JADE1: variants seen among roughly 807,000 people sequenced by gnomAD.
The protein encoded by JADE1 is protein Jade-1.
A neutral mutation model predicts 81.8 loss-of-function variants in JADE1; 14 were observed. The ratio of observed to expected loss-of-function variants is 0.17; its 90% CI spans 0.11 to 0.27. JADE1 has a LOEUF of 0.27. Among genes scored for constraint, JADE1 ranks in the 10% least tolerant of loss-of-function variants. The probability of loss-of-function intolerance (pLI) is 1.00; values close to 1 mark genes in which losing one functional copy is unlikely to be tolerated. For synonymous variants in JADE1, 353 were observed against 391.9 expected, an observed-to-expected ratio of 0.90 and a Z score of 1.17; for missense variants, 690 against 1,047.9, an observed-to-expected ratio of 0.66 and a Z score of 4.71.
Position 128,862,098 on chromosome 4 carries a change from A to G in JADE1, c.1376A>G (p.Lys459Arg), listed in dbSNP as rs1331958162. The G allele has an allele frequency of 6.2e-7, 1 of 1,614,072 alleles. No homozygotes were observed. Among genetic ancestry groups the G allele is most frequent in the Non-Finnish European group, 8.5e-7 (1 of 1,180,026 alleles). The change falls in exon 9 of 11, where the codon AAG becomes AGG. Residue 459 changes from lysine (K) to arginine (R), a missense_variant. By Grantham distance (26) the Lys-to-Arg change is conservative. Around this residue, in one of 8 missense-constraint regions of JADE1, gnomAD observed 63 missense variants for 138.4 expected, o/e 0.46. Transcript: ENST00000226319. Reference protein sequence around the residue: ...FLYQYWKLKRKVNFNKPLITP... With the variant: ...FLYQYWKLKRRVNFNKPLITP... The stretch of plus-strand genomic sequence containing the variant: ...TACCAGTACTGGAAGTTGAAGAGGA[A>G]GGTCAACTTCAACAAGCCCCTGATC...
chr4:128,848,787 T>C (rs1730091605), intron 4 of JADE1, among the ~76,000 whole-genome samples, 193 bp from the exon 5 acceptor site: 1 of 152,242 alleles, frequency 6.6e-6, no homozygotes, highest in Non-Finnish European at 1.5e-5. Context: ...TTTTCATTTG[T>C]ATCTATTGCC....
intron 1 of JADE1, 78 bp from the exon 2 acceptor site, chr4:128,831,655 C>G: frequency 8.0e-7 from 1 of 1,248,922 alleles, no homozygotes; most frequent in South Asian, 1.3e-5. Context: ...TGCTGTAAAT[C>G]CTGGGCTGCC....
chr4:128,844,605 G>C (rs945960064), intron 3 of JADE1, among the ~76,000 whole-genome samples: 3 of 152,090 alleles, frequency 2.0e-5, no homozygotes, highest in Non-Finnish European at 4.4e-5. Context: ...GCTCTTGAAG[G>C]TATAGGCCCA....
At chr4:128,815,162 T>TAAGCTCCGCCTCCCTGA (rs1726904488) in intron 1 of JADE1, among the ~76,000 whole-genome samples, 1 of 147,414 alleles carries the variant, frequency 6.8e-6, no homozygotes, top group Non-Finnish European at 1.5e-5. Context: ...CGCCTCCCTG[T>TAAGCTCCGCCTCCCTGA]AAGCTCCGCC....
chr4:128,837,637 C>G (rs1182975887), intron 2 of JADE1, among the ~76,000 whole-genome samples: 1 of 152,166 alleles, frequency 6.6e-6, no homozygotes, highest in Non-Finnish European at 1.5e-5. Flanking sequence ...TTGCTTTAGT[C>G]TAGTACAAGG....
rs567397790 is a variant in JADE1, at chr4:128,846,904, C to G, written c.296+372C>G. 7.9e-5 allele frequency among the ~76,000 whole-genome samples: 12 copies of G among 152,276 alleles called. No homozygotes were observed. The South Asian group carries it at 2.1e-3, about 26-fold the overall frequency. ...TCCGTATTCGCTCTGGAGAGTGGCT[C>G]TCCTGGAGAGAAGCATCTGGCTTTG... On this transcript the variant is annotated intron_variant, in intron 4 of 10. Coordinates refer to ENST00000226319, the MANE Select transcript of JADE1 (RefSeq NM_199320.4). The surrounding 1 kb of genome is among the most constrained non-coding windows in gnomAD (Gnocchi z 4.0).
chr4:128,852,330 G>A (rs768775388), intron 6 of JADE1, 62 bp downstream of exon 6: 21 of 1,346,162 alleles, frequency 1.6e-5, no homozygotes, highest in Middle Eastern at 2.3e-4. Flanking sequence ...TGCTGTGGGA[G>A]TGTATGCCTG....
chr4:128,867,565 A>AGG, intron 9 of JADE1, among the ~76,000 whole-genome samples: 1 of 152,206 alleles, frequency 6.6e-6, no homozygotes, highest in Non-Finnish European at 1.5e-5. Context: ...GTTAGGTGTG[A>AGG]TGGAGGAGGC....
At chr4:128,870,109 A>G (rs140443938) in intron 10 of JADE1, among the ~76,000 whole-genome samples, 101 of 152,346 alleles carry the variant, frequency 6.6e-4, no homozygotes, top group African/African-American at 2.4e-3. Flanking sequence ...CAGAGTTCAG[A>G]AAATGTTAGC....
intron 3 of JADE1, among the ~76,000 whole-genome samples, chr4:128,844,755 A>G (rs1729725680): frequency 6.6e-6 from 1 of 152,100 alleles, no homozygotes; most frequent in Non-Finnish European, 1.5e-5. Flanking sequence ...TGCATGGCCT[A>G]ATTCTTGCTT....
At chr4:128,844,447 T>A (rs1283161240) in intron 3 of JADE1, among the ~76,000 whole-genome samples, 6 of 152,232 alleles carry the variant, frequency 3.9e-5, no homozygotes, top group African/African-American at 1.4e-4. Flanking sequence ...AGGGCCTTTG[T>A]TTCAGTTCTT....
rs1731347781 is a variant in JADE1, at chr4:128,861,709, T to C, written c.987T>C (p.Ser329=). Residue 329 remains serine (S), a synonymous_variant, in exon 9 of 11, where the codon TCT becomes TCC. Coordinates refer to ENST00000226319, the MANE Select transcript of JADE1 (RefSeq NM_199320.4). The part of the protein sequence containing the change: ...NEKFGASIQC[S]VKNCRTAFHV... ...TCTTTGTGTGTTCTTGACAGTGCTC[T>C]GTGAAGAACTGCCGCACAGCCTTCC... is the stretch of plus-strand genomic sequence containing the variant. 2 of 1,613,948 alleles carry C rather than the reference T, an allele frequency of 1.2e-6. No homozygotes were observed. Among genetic ancestry groups the C allele is most frequent in the African/African-American group, 1.3e-5 (1 of 74,930 alleles).
chr4:128,862,819 T>C, intron 9 of JADE1: 1 of 996,102 alleles, frequency 1.0e-6, no homozygotes, highest in Non-Finnish European at 1.2e-6. Context: ...TGTGTGTGCA[T>C]GAGCTGTATG....
At chr4:128,864,603 T>A in intron 9 of JADE1, 5 of 985,220 alleles carry the variant, frequency 5.1e-6, no homozygotes, top group Non-Finnish European at 3.6e-6. Flanking sequence ...AGGGCAGGGG[T>A]GACAATAAAA....
chr4:128,833,723 A>T (rs1168354713), intron 2 of JADE1, among the ~76,000 whole-genome samples: 1 of 152,230 alleles, frequency 6.6e-6, no homozygotes, highest in Non-Finnish European at 1.5e-5. Context: ...TAGGGTGAGA[A>T]TTAGTCAGAA....
intron 1 of JADE1, among the ~76,000 whole-genome samples, chr4:128,821,113 C>T (rs1242833006): frequency 5.9e-5 from 9 of 152,154 alleles, no homozygotes; most frequent in Non-Finnish European, 1.3e-4. Flanking sequence ...GTACCTGGTT[C>T]AGAGACCCCC....
intron 10 of JADE1, among the ~76,000 whole-genome samples, chr4:128,868,642 C>G (rs966320718): frequency 6.6e-6 from 1 of 152,188 alleles, no homozygotes; most frequent in Non-Finnish European, 1.5e-5. Context: ...TCAAGTTGGG[C>G]AGGTTGTTTA....
intron 2 of JADE1, among the ~76,000 whole-genome samples, chr4:128,835,988 G>GATGGAAAAAATAAT (rs768633946): frequency 3.3e-4 from 50 of 152,336 alleles, no homozygotes; most frequent in Non-Finnish European, 5.7e-4. Context: ...AATAATGTTG[G>GATGGAAAAAATAAT]GGTGTTTGCA....
chr4:128,847,294 A>G (rs1283221939), intron 4 of JADE1, among the ~76,000 whole-genome samples: 1 of 152,214 alleles, frequency 6.6e-6, no homozygotes, highest in Non-Finnish European at 1.5e-5. Flanking sequence ...GCTTTGCGAA[A>G]TAGTGTCTTT....
Sources: gnomAD v4.1 joint callset for allele counts (sites outside exome capture counted in the v4.1 genomes callset) on GRCh38, gnomAD v4.1.1 for gene constraint, gnomAD v4.1.1 regional missense constraint, Gnocchi (gnomAD v3.1) non-coding constraint, MANE v1.5 for transcripts, NCBI Gene and HGNC (gene_info 2026-07-23, HGNC 2026-07-21) for gene names.